PIEZO1: variants seen among roughly 807,000 people sequenced by gnomAD.
PIEZO1 encodes the protein piezo-type mechanosensitive ion channel component 1.
PIEZO1 carries 296 observed loss-of-function variants against 297.2 expected under a neutral mutation model. The ratio of observed to expected loss-of-function variants is 1.00; its 90% CI spans 0.91 to 1.10. PIEZO1 has a LOEUF of 1.10. Among genes scored for constraint, PIEZO1 ranks in the 50% least tolerant of loss-of-function variants. The pLI is 0.00. For missense variants in PIEZO1, 5,018 were observed against 3,455.5 expected (o/e 1.45, Z -11.34); for synonymous variants, 2,427 against 1,507.5 (o/e 1.61, Z -14.13).
intron 44 of PIEZO1, chr16:88,718,139 C>G: frequency 5.3e-6 from 1 of 187,420 alleles, no homozygotes; most frequent in Non-Finnish European, 1.1e-5. Flanking sequence ...CACAAATGGC[C>G]AAGCACATGA....
chr16:88,717,805 G>A (rs1275126617), intron 44 of PIEZO1: 3 of 450,024 alleles, frequency 6.7e-6, no homozygotes, highest in Non-Finnish European at 8.9e-6. Context: ...TCTAGCCAAT[G>A]TATCTGCAGA....
intron 1 of PIEZO1, among the ~76,000 whole-genome samples, chr16:88,781,168 T>C (rs1907917505): frequency 6.6e-6 from 1 of 152,178 alleles, no homozygotes; most frequent in Non-Finnish European, 1.5e-5. Context: ...AGGCCCACGG[T>C]GGTTCCCCTT....
At chr16:88,730,274 T>G (rs1360723431) in intron 22 of PIEZO1, among the ~76,000 whole-genome samples, 1 of 152,104 alleles carries the variant, frequency 6.6e-6, no homozygotes, top group Middle Eastern at 3.2e-3. Flanking sequence ...TAGCAGAAGA[T>G]GAGGCAGCAG....
chr16:88,746,274 C>G (rs4782399), intron 2 of PIEZO1, among the ~76,000 whole-genome samples: 20,544 of 152,054 alleles, frequency 0.14, 1,570 homozygotes, highest in Non-Finnish European at 0.18. Flanking sequence ...CCTCCCTGCA[C>G]GGGGCATGGT....
intron 1 of PIEZO1, among the ~76,000 whole-genome samples, chr16:88,756,895 T>G (rs1906687939): frequency 6.6e-6 from 1 of 151,372 alleles, no homozygotes; most frequent in Non-Finnish European, 1.5e-5. Context: ...GCCAACATGG[T>G]GAAACCCTGT....
rs898745369 is a variant in PIEZO1 at position 88,721,947 on chromosome 16, T to C, written c.5075A>G (p.Tyr1692Cys). The change falls in exon 37 of 51, where the codon TAC (tyrosine) becomes TGC (cysteine). Residue 1692 changes from tyrosine (Y) to cysteine (C), a missense_variant. Coordinates refer to ENST00000301015, the MANE Select transcript of PIEZO1 (RefSeq NM_001142864.4). ...CVAAHSELLCYFIIILNHMVT... is the reference protein window; with the variant it reads ...CVAAHSELLCCFIIILNHMVT... ...CATGTGGTTGAGGATGATGATGAAGTAGCAGAGCAGCTCCGAGTGGGCGGC... is the reference window on the plus strand; with the variant it reads ...CATGTGGTTGAGGATGATGATGAAGCAGCAGAGCAGCTCCGAGTGGGCGGC... The C allele has an allele frequency of 1.3e-6, 2 of 1,550,128 alleles. No individual in the cohort carries two copies. The highest frequency in any genetic ancestry group is 1.7e-4 in the Middle Eastern group (1 of 5,990).
In PIEZO1 at chr16:88,716,908, G is replaced by C. The variant is rs1057501294; in HGVS notation, c.6661-10C>G. The stretch of plus-strand genomic sequence containing the variant: ...TCATGGTGAACAGCGGCTGGGGCAG[G>C]CACGGGGACACGGGGCCACGAAGAT... On this transcript the variant is annotated splice_polypyrimidine_tract_variant and intron_variant, in intron 45 of 50. Transcript: ENST00000301015. 5 of 1,549,398 alleles carry C rather than the reference G, an allele frequency of 3.2e-6. No homozygotes were observed. In the East Asian group the frequency reaches 1.2e-4, roughly 38 times the overall value.
chr16:88,783,891 A>C (rs1567492842), intron 1 of PIEZO1, among the ~76,000 whole-genome samples: 1 of 152,200 alleles, frequency 6.6e-6, no homozygotes, highest in Non-Finnish European at 1.5e-5. Flanking sequence ...GGAGCGAGGC[A>C]AGGGCTCCGA....
At chr16:88,716,775 C>T in intron 46 of PIEZO1, 31 bp downstream of exon 46, 2 of 1,549,438 alleles carry the variant, frequency 1.3e-6, no homozygotes, top group Non-Finnish European at 1.7e-6. Flanking sequence ...CGCCTCCCCA[C>T]ACCAGCTTTC....
chr16:88,756,649 T>A (rs1906670509), intron 1 of PIEZO1, among the ~76,000 whole-genome samples: 1 of 152,110 alleles, frequency 6.6e-6, no homozygotes, highest in Non-Finnish European at 1.5e-5. Context: ...GTGCCTGTAG[T>A]CCCAGCTACT....
chr16:88,754,153 G>A (rs1186504619), intron 1 of PIEZO1, among the ~76,000 whole-genome samples: 1 of 152,192 alleles, frequency 6.6e-6, no homozygotes, highest in Non-Finnish European at 1.5e-5. Context: ...TTGGGAAGCA[G>A]AGAGCCCAGC....
chr16:88,725,245 G>A lies in PIEZO1; in HGVS notation c.4163-165C>T, dbSNP rs114146894. Among the ~76,000 whole-genome samples, 799 of 152,304 alleles carry A rather than the reference G, an allele frequency of 5.2e-3. 10 individuals are homozygous for A. Among genetic ancestry groups the A allele is most frequent in the African/African-American group, 0.016 (646 of 41,558 alleles). On this transcript the variant is annotated intron_variant, in intron 29 of 50. Transcript: ENST00000301015. ...GGGCTCAGAGCCCATGTGCGTGGACGGACAGTCACAGGGCGGCCATGGGGC... is the reference window on the plus strand; with the variant it reads ...GGGCTCAGAGCCCATGTGCGTGGACAGACAGTCACAGGGCGGCCATGGGGC...
intron 1 of PIEZO1, among the ~76,000 whole-genome samples, chr16:88,780,654 AC>A (rs1170615252): frequency 6.6e-6 from 1 of 152,200 alleles, no homozygotes; most frequent in Non-Finnish European, 1.5e-5. Context: ...GCTTATATAA[AC>A]AAAGAAGCAA....
At chr16:88,736,114 C>T in intron 12 of PIEZO1, 34 bp downstream of exon 12, 1 of 1,518,422 alleles carries the variant, frequency 6.6e-7, no homozygotes, top group Non-Finnish European at 8.9e-7. Flanking sequence ...GTCTGCGCAC[C>T]CAGGCACCCC....
At chr16:88,765,149 C>A (rs1036490918) in intron 1 of PIEZO1, among the ~76,000 whole-genome samples, 2 of 152,228 alleles carry the variant, frequency 1.3e-5, no homozygotes, top group African/African-American at 4.8e-5. Flanking sequence ...GTCTAGACTG[C>A]CCCAGGGCCC....
intron 1 of PIEZO1, among the ~76,000 whole-genome samples, chr16:88,767,143 C>T (rs759550733): frequency 8.5e-5 from 13 of 152,300 alleles, no homozygotes; most frequent in South Asian, 2.1e-4. Context: ...AGCTGCAGTG[C>T]GCTCTTCACT....
intron 10 of PIEZO1, chr16:88,737,078 A>C: frequency 4.0e-6 from 1 of 247,780 alleles, no homozygotes. Context: ...CACATTGCAA[A>C]ATGGAAAATC....
chr16:88,722,121 G>A (rs1904283471), intron 36 of PIEZO1, 55 bp from the exon 37 acceptor site: 9 of 1,525,238 alleles, frequency 5.9e-6, no homozygotes, highest in African/African-American at 2.7e-5. Flanking sequence ...AGGCATGACG[G>A]CCCGATCTGT....
At chr16:88,726,209 A>T (rs1415774348) in intron 27 of PIEZO1, 75 bp downstream of exon 27, 1 of 1,285,192 alleles carries the variant, frequency 7.8e-7, no homozygotes, top group Non-Finnish European at 1.1e-6. Flanking sequence ...GGGGCCTGAG[A>T]CAGTGAGGAA....
Sources: gnomAD v4.1 joint callset for allele counts (sites outside exome capture counted in the v4.1 genomes callset) on GRCh38, gnomAD v4.1.1 for gene constraint, MANE v1.5 for transcripts, NCBI Gene and HGNC (gene_info 2026-07-23, HGNC 2026-07-21) for gene names.